ARL15: variants seen among roughly 807,000 people sequenced by gnomAD.
The protein encoded by ARL15 is ARF like GTPase 15, also known as ADP-ribosylation factor-like protein 15.
A neutral mutation model predicts 25.2 loss-of-function variants in ARL15; 19 were observed. The observed-to-expected ratio is 0.75, with a 90% CI of 0.53 to 1.10. The LOEUF (loss-of-function observed/expected upper bound fraction) is 1.10, where lower values mean the gene tolerates loss of function less well. Among genes scored for constraint, ARL15 ranks in the 50% least tolerant of loss-of-function variants. ARL15 has a pLI of 0.00. For synonymous variants in ARL15, 94 were observed against 86.8 expected, an observed-to-expected ratio of 1.08 and a Z score of -0.46; for missense variants, 220 against 246.0, an observed-to-expected ratio of 0.89 and a Z score of 0.71.
intron 4 of ARL15, among the ~76,000 whole-genome samples, chr5:53,999,545 C>T (rs904755560): frequency 1.3e-5 from 2 of 151,926 alleles, no homozygotes; most frequent in African/African-American, 2.4e-5. Context: ...GAGCCAAGAT[C>T]GTGCCACTGC....
intron 4 of ARL15, among the ~76,000 whole-genome samples, chr5:54,111,605 C>G (rs1229110989): frequency 6.6e-6 from 1 of 151,944 alleles, no homozygotes; most frequent in Non-Finnish European, 1.5e-5. Flanking sequence ...AATCTTTTTT[C>G]AGATATTGCA....
intron 1 of ARL15, among the ~76,000 whole-genome samples, chr5:54,206,761 G>A (rs1755882127): frequency 6.6e-6 from 1 of 152,148 alleles, no homozygotes; most frequent in South Asian, 2.1e-4. Context: ...AGCCGTCAGG[G>A]AAAGAGGAGA....
At chr5:54,221,480 T>C (rs988345103) in intron 1 of ARL15, among the ~76,000 whole-genome samples, 3 of 152,158 alleles carry the variant, frequency 2.0e-5, no homozygotes, top group African/African-American at 7.2e-5. Flanking sequence ...ACTTAAGGGA[T>C]TTTTCTTTTT....
intron 4 of ARL15, chr5:53,951,571 T>G: frequency 2.1e-6 from 1 of 475,236 alleles, no homozygotes; most frequent in Non-Finnish European, 4.4e-6. Flanking sequence ...AGCACTGATC[T>G]AGAGAACACA....
At chr5:54,159,116 T>C (rs1477823128) in intron 2 of ARL15, among the ~76,000 whole-genome samples, 1 of 152,192 alleles carries the variant, frequency 6.6e-6, no homozygotes, top group Non-Finnish European at 1.5e-5. Flanking sequence ...CACTAATTCA[T>C]TGTCCTCCTG....
intron 4 of ARL15, among the ~76,000 whole-genome samples, chr5:54,041,854 G>A (rs911476376): frequency 1.3e-5 from 2 of 152,132 alleles, no homozygotes; most frequent in Non-Finnish European, 2.9e-5. Context: ...AGGATTTGAG[G>A]GCTATGTAGC....
chr5:54,182,359 C>T (rs1755084291), intron 1 of ARL15, among the ~76,000 whole-genome samples: 1 of 131,902 alleles, frequency 7.6e-6, no homozygotes, highest in Non-Finnish European at 1.6e-5. Flanking sequence ...TTTCAGCTTT[C>T]TACATATGGC....
chr5:54,259,741 T>C (rs779584824), intron 1 of ARL15, among the ~76,000 whole-genome samples: 7 of 152,106 alleles, frequency 4.6e-5, no homozygotes, highest in East Asian at 1.9e-4. Flanking sequence ...ATCTGACAAA[T>C]AGGACAATCA....
At chr5:54,244,041 C>G (rs774980474) in intron 1 of ARL15, among the ~76,000 whole-genome samples, 17 of 152,310 alleles carry the variant, frequency 1.1e-4, no homozygotes, top group Admixed American at 2.0e-4. Context: ...GACAAGTCAT[C>G]TTCCCTCTCT....
chr5:54,178,823 T>C (rs1285234027), intron 1 of ARL15, among the ~76,000 whole-genome samples: 2 of 152,332 alleles, frequency 1.3e-5, no homozygotes, highest in East Asian at 1.9e-4. Context: ...CAGTTATGGC[T>C]CTGTCTTTTG....
At chr5:54,128,170 C>A (rs1190425249) in intron 3 of ARL15, among the ~76,000 whole-genome samples, 1 of 152,198 alleles carries the variant, frequency 6.6e-6, no homozygotes, top group African/African-American at 2.4e-5. Context: ...AGATTTCAAG[C>A]CTGAACCCAA....
chr5:53,989,697 T>C (rs186073923), intron 4 of ARL15, among the ~76,000 whole-genome samples: 176 of 152,232 alleles, frequency 1.2e-3, no homozygotes, highest in African/African-American at 4.0e-3. Context: ...AAACTGACGA[T>C]AACTTTTCTC....
At chr5:54,115,267 C>T (rs543864541) in intron 3 of ARL15, among the ~76,000 whole-genome samples, 157 of 152,236 alleles carry the variant, frequency 1.0e-3, no homozygotes, top group South Asian at 5.6e-3. Flanking sequence ...CTCATTAGGT[C>T]CTCTGGGATC....
intron 4 of ARL15, among the ~76,000 whole-genome samples, chr5:54,104,459 C>T (rs1322382621): frequency 6.6e-6 from 1 of 152,088 alleles, no homozygotes; most frequent in Non-Finnish European, 1.5e-5. Context: ...CAGTACCTTG[C>T]AAAGAAGTTT....
At chr5:54,044,491 C>G (rs1349684102) in intron 4 of ARL15, among the ~76,000 whole-genome samples, 1 of 152,068 alleles carries the variant, frequency 6.6e-6, no homozygotes, top group East Asian at 1.9e-4. Flanking sequence ...GTGATCCACC[C>G]GCCTTGGCCT....
chr5:54,025,656 T>TGTTC lies in ARL15; in HGVS notation c.462+87545_462+87546insGAAC, dbSNP rs1749769704. 3.7e-5 allele frequency among the ~76,000 whole-genome samples: 5 copies of TGTTC among 135,414 alleles called. No individual in the cohort carries two copies. In the Admixed American group the frequency reaches 3.7e-4, roughly 10 times the overall value. 88.8% of individuals were successfully genotyped at this position (135,414 alleles called of 152,430 possible). A position where few individuals can be genotyped will look rare whatever the true frequency, so the allele number is the denominator to read the frequency against. ...CTATGCTACTGGCAAGTTATTTGTT[T>TGTTC]GTTTGTTTGTTTGTTTGTTTGTTTG... is the stretch of plus-strand genomic sequence containing the variant. On this transcript the variant is annotated intron_variant, in intron 4 of 4. Transcript: ENST00000504924.
chr5:53,958,125 G>T (rs577024925), intron 4 of ARL15, among the ~76,000 whole-genome samples: 1 of 151,704 alleles, frequency 6.6e-6, no homozygotes, highest in East Asian at 1.9e-4. Context: ...CAGGAGAATC[G>T]CTTGAGCCTG....
At chr5:53,970,973 T>G (rs1396378061) in intron 4 of ARL15, among the ~76,000 whole-genome samples, 1 of 151,948 alleles carries the variant, frequency 6.6e-6, no homozygotes, top group Admixed American at 6.6e-5. Flanking sequence ...TTATAAATAA[T>G]AGAAAAATAC....
At chr5:54,093,189 G>T (rs775127554) in intron 4 of ARL15, among the ~76,000 whole-genome samples, 71 of 152,200 alleles carry the variant, frequency 4.7e-4, no homozygotes, top group Non-Finnish European at 8.7e-4. Context: ...GGTGTCTATT[G>T]TTGAATGTAG....
Sources: allele counts gnomAD v4.1 joint callset (sites outside exome capture counted in the v4.1 genomes callset), GRCh38; gene constraint gnomAD v4.1.1; transcripts MANE v1.5; gene names NCBI Gene and HGNC (gene_info 2026-07-23, HGNC 2026-07-21).